Variants in RAP1GAP2 observed in about 807,000 individuals in gnomAD.
RAP1GAP2 encodes the protein rap1 GTPase-activating protein 2.
RAP1GAP2 carries 27 observed loss-of-function variants against 95.0 expected under a neutral mutation model. The observed-to-expected ratio is 0.28, with a 90% CI of 0.21 to 0.39. The LOEUF is 0.39. RAP1GAP2 is among the 10% of genes least tolerant of loss of function. The pLI is 1.00. For synonymous variants in RAP1GAP2, 373 were observed against 380.9 expected (o/e 0.98, Z 0.24); for missense variants, 771 against 970.0 (o/e 0.79, Z 2.72).
intron 2 of RAP1GAP2, among the ~76,000 whole-genome samples, chr17:2,847,633 A>G (rs1567705088): frequency 6.6e-6 from 1 of 152,194 alleles, no homozygotes; most frequent in African/African-American, 2.4e-5. Context: ...TGTTGCTAAT[A>G]TTATGGAAAG....
intron 2 of RAP1GAP2, among the ~76,000 whole-genome samples, chr17:2,836,008 G>A (rs964210239): frequency 2.6e-5 from 4 of 151,656 alleles, no homozygotes; most frequent in East Asian, 1.9e-4. Context: ...AGCCACTGGC[G>A]GGGTGTGTTG....
intron 2 of RAP1GAP2, among the ~76,000 whole-genome samples, chr17:2,853,798 G>T (rs1161219254): frequency 6.8e-6 from 1 of 147,414 alleles, no homozygotes; most frequent in Admixed American, 6.7e-5. Context: ...CGGGCCCCGA[G>T]GAGACGCTGA....
rs116057843 is a variant in RAP1GAP2 at position 2,916,667 on chromosome 17, G to A, written c.165+11299G>A. ...GGTGGCCACCGGGAGGAGTGGGTGT[G>A]GGCAGTAATGAGGTCATCCACAGAA... On this transcript the variant is annotated intron_variant, in intron 3 of 24. Coordinates refer to ENST00000254695, the MANE Select transcript of RAP1GAP2 (RefSeq NM_015085.5). 2.7e-3 allele frequency among the ~76,000 whole-genome samples: 417 copies of A among 152,300 alleles called. 2 individuals are homozygous for A. The highest frequency in any genetic ancestry group is 9.8e-3 in the African/African-American group (407 of 41,552).
intron 11 of RAP1GAP2, among the ~76,000 whole-genome samples, chr17:2,989,745 A>G (rs1354148133): frequency 6.6e-6 from 1 of 152,132 alleles, no homozygotes; most frequent in East Asian, 1.9e-4. Context: ...TTCTTGTACC[A>G]TATAATTCAT....
upstream of RAP1GAP2, among the ~76,000 whole-genome samples, chr17:2,774,642 T>C (rs147043202): frequency 3.2e-3 from 487 of 150,854 alleles, 3 homozygotes; most frequent in Middle Eastern, 6.8e-3. Context: ...CTGGCTAATT[T>C]TTGTATTTTT....
Position 2,825,576 on chromosome 17 carries a change from G to C in RAP1GAP2, c.80+25026G>C, listed in dbSNP as rs948597330. On this transcript the variant is annotated intron_variant, in intron 2 of 24. Transcript: ENST00000254695. This position sits in a 1 kb window ranked among gnomAD's most constrained non-coding sequence, Gnocchi z 4.1. ...TGCCACTCACTGCTGGGGTTACCTT[G>C]GGCAACCGTCTGAACCTCTCTGAGC... 6.6e-6 allele frequency among the ~76,000 whole-genome samples: 1 copy of C among 152,092 alleles called. No homozygotes were observed. Among genetic ancestry groups the C allele is most frequent in the African/African-American group, 2.4e-5 (1 of 41,428 alleles).
rs1234466750 is a variant in RAP1GAP2, at chr17:2,903,521, A to C, written c.81-1763A>C. On this transcript the variant is annotated intron_variant, in intron 2 of 24. Transcript: ENST00000254695. The surrounding 1 kb of genome is among the most constrained non-coding windows in gnomAD (Gnocchi z 4.1). The stretch of plus-strand genomic sequence containing the variant: ...GTGAGAGTGTGTGCACACACCTAGG[A>C]GCTATCTCAGCCCTGCTGGTTTCTT... 6.6e-6 allele frequency among the ~76,000 whole-genome samples: 1 copy of C among 152,018 alleles called. No individual in the cohort carries two copies. Among genetic ancestry groups the C allele is most frequent in the Non-Finnish European group, 1.5e-5 (1 of 67,998 alleles).
In RAP1GAP2 at chr17:2,837,163, A is replaced by T. The variant is rs1041392117; in HGVS notation, c.80+36613A>T. ...ACACCCAGGAGGCTGGGGCTGGAGG[A>T]TTGCTTACACCCAGGAGGTTGAGGC... is the stretch of plus-strand genomic sequence containing the variant. On this transcript the variant is annotated intron_variant, in intron 2 of 24. Transcript: ENST00000254695. Among the ~76,000 whole-genome samples the T allele has an allele frequency of 6.7e-5, 10 of 150,228 alleles. No individual in the cohort carries two copies. In the South Asian group the frequency reaches 1.9e-3, roughly 29 times the overall value.
At chr17:2,807,266 C>G (rs541888305) in intron 2 of RAP1GAP2, among the ~76,000 whole-genome samples, 81 of 152,312 alleles carry the variant, frequency 5.3e-4, no homozygotes, top group Non-Finnish European at 1.0e-3. Context: ...ATTCCCCCAC[C>G]TTTGGCCACT....
At chr17:3,021,596 G>T (rs569915890) in intron 19 of RAP1GAP2, among the ~76,000 whole-genome samples, 1 of 152,098 alleles carries the variant, frequency 6.6e-6, no homozygotes, top group Non-Finnish European at 1.5e-5. Context: ...CCACCACACC[G>T]GCTAATTTTT....
At chr17:2,821,026 C>T (rs766246123) in intron 2 of RAP1GAP2, among the ~76,000 whole-genome samples, 27 of 151,228 alleles carry the variant, frequency 1.8e-4, no homozygotes, top group East Asian at 3.9e-4. Context: ...TGAGCCACCG[C>T]GTCCTGCCTA....
intron 3 of RAP1GAP2, among the ~76,000 whole-genome samples, chr17:2,921,351 G>A (rs2151766271): frequency 6.6e-6 from 1 of 152,036 alleles, no homozygotes; most frequent in African/African-American, 2.4e-5. Context: ...ACAGGCACCG[G>A]CCACCACACC....
chr17:2,765,826 A>G (rs1285313523), intron 1 of RAP1GAP2, among the ~76,000 whole-genome samples: 1 of 150,098 alleles, frequency 6.7e-6, no homozygotes, highest in Non-Finnish European at 1.5e-5. Context: ...AAAATGAGCC[A>G]GGCATGGTGC....
chr17:2,963,831 C>T lies in RAP1GAP2; in HGVS notation c.280-25C>T, dbSNP rs1026476244. 1.6e-5 allele frequency: 25 copies of T among 1,534,446 alleles called. No individual in the cohort carries two copies. The highest frequency in any genetic ancestry group is 5.8e-5 in the Admixed American group (3 of 51,636). On this transcript the variant is annotated intron_variant, in intron 6 of 24. Transcript: ENST00000254695. The surrounding 1 kb of genome is among the most constrained non-coding windows in gnomAD (Gnocchi z 4.8). ...TCCCTCCCCTGCGGTCCCAGGGGAG[C>T]GCACGACCCTCCCTCTGCCTTCAGG...
intron 2 of RAP1GAP2, among the ~76,000 whole-genome samples, chr17:2,893,669 G>C (rs1476369672): frequency 1.3e-5 from 2 of 152,212 alleles, no homozygotes; most frequent in Admixed American, 6.5e-5. Flanking sequence ...CGGAGGCCGT[G>C]ACCTTGTGCG....
rs2046264670 is a variant in RAP1GAP2, at chr17:3,004,261, C to T, written c.1201-1108C>T. ...CTGACTCGGGGCACTGCAGTTTGGGCTGGGCAGACAGCCTGGAGCTTGAGA... is the reference window on the plus strand; with the variant it reads ...CTGACTCGGGGCACTGCAGTTTGGGTTGGGCAGACAGCCTGGAGCTTGAGA... On this transcript the variant is annotated intron_variant, in intron 14 of 24. Transcript: ENST00000254695. The surrounding 1 kb of genome is among the most constrained non-coding windows in gnomAD (Gnocchi z 4.1). Among the ~76,000 whole-genome samples, 2 of 152,244 alleles carry T rather than the reference C, an allele frequency of 1.3e-5. No individual in the cohort carries two copies. Among genetic ancestry groups the T allele is most frequent in the African/African-American group, 2.4e-5 (1 of 41,472 alleles).
chr17:3,032,672 G>C (rs1019888090), intron 24 of RAP1GAP2, among the ~76,000 whole-genome samples: 3 of 152,226 alleles, frequency 2.0e-5, no homozygotes, highest in Admixed American at 2.0e-4. Context: ...TGGACTAGAC[G>C]TACTAGTTAG....
At chr17:2,948,092 A>G (rs1024924675) in intron 3 of RAP1GAP2, among the ~76,000 whole-genome samples, 2 of 152,160 alleles carry the variant, frequency 1.3e-5, no homozygotes, top group Non-Finnish European at 2.9e-5. Context: ...GGACTCATTG[A>G]GCGACCTGTG....
At chr17:2,941,606 G>A (rs563913882) in intron 3 of RAP1GAP2, among the ~76,000 whole-genome samples, 3 of 151,992 alleles carry the variant, frequency 2.0e-5, no homozygotes, top group East Asian at 1.9e-4. Context: ...TTGTGATGGC[G>A]GACTTGCCAG....
Sources: allele counts gnomAD v4.1 joint callset (sites outside exome capture counted in the v4.1 genomes callset), GRCh38; gene constraint gnomAD v4.1.1; non-coding constraint Gnocchi (gnomAD v3.1); transcripts MANE v1.5; gene names NCBI Gene and HGNC (gene_info 2026-07-23, HGNC 2026-07-21).